The following AKAP6 variants were observed in gnomAD, a reference collection of about 807,000 sequenced individuals.
AKAP6 encodes A-kinase anchoring protein 6.
A neutral mutation model predicts 188.5 loss-of-function variants in AKAP6; 58 were observed. The observed-to-expected ratio is 0.31, with a 90% CI of 0.25 to 0.38. The LOEUF is 0.38. Ranked by LOEUF, AKAP6 falls within the 10% of genes least tolerant of loss-of-function variation. The pLI is 1.00. For synonymous variants in AKAP6, 989 were observed against 998.6 expected (o/e 0.99, Z 0.18); for missense variants, 2,710 against 2,740.0 (o/e 0.99, Z 0.24).
At chr14:32,699,063 A>C (rs1468504421) in intron 9 of AKAP6, among the ~76,000 whole-genome samples, 1 of 152,160 alleles carries the variant, frequency 6.6e-6, no homozygotes, top group Non-Finnish European at 1.5e-5. Flanking sequence ...GTTGATCCCC[A>C]AGGTATGTGT....
chr14:32,455,454 T>A (rs1375048565), intron 2 of AKAP6, among the ~76,000 whole-genome samples: 1 of 152,232 alleles, frequency 6.6e-6, no homozygotes, highest in Non-Finnish European at 1.5e-5. Context: ...AATTGTTTTC[T>A]TTCTTTTATT....
intron 1 of AKAP6, among the ~76,000 whole-genome samples, chr14:32,332,025 T>G (rs141475031): frequency 1.3e-3 from 204 of 152,282 alleles, no homozygotes; most frequent in African/African-American, 4.6e-3. Context: ...CAGTACTGAA[T>G]TAAGTTTTGT....
At chr14:32,540,564 C>T (rs974248674) in intron 3 of AKAP6, among the ~76,000 whole-genome samples, 1 of 152,026 alleles carries the variant, frequency 6.6e-6, no homozygotes, top group Non-Finnish European at 1.5e-5. Context: ...GCGGCTCTCA[C>T]CCAGCTACAA....
chr14:32,488,802 A>T (rs1666126396), intron 2 of AKAP6, among the ~76,000 whole-genome samples: 1 of 152,054 alleles, frequency 6.6e-6, no homozygotes, highest in Non-Finnish European at 1.5e-5. Flanking sequence ...AGGTGAGGCG[A>T]CACCCCACCC....
chr14:32,695,473 G>A (rs1338453822), intron 8 of AKAP6, among the ~76,000 whole-genome samples: 1 of 152,174 alleles, frequency 6.6e-6, no homozygotes, highest in African/African-American at 2.4e-5. Context: ...ATTTGGAGCT[G>A]ATAGTGATCC....
intron 7 of AKAP6, among the ~76,000 whole-genome samples, chr14:32,674,414 G>T (rs1293337188): frequency 6.6e-6 from 1 of 152,184 alleles, no homozygotes; most frequent in Non-Finnish European, 1.5e-5. Flanking sequence ...TGTACTGCAG[G>T]TGAAAGATTA....
chr14:32,620,870 A>G (rs1457143314), intron 7 of AKAP6, among the ~76,000 whole-genome samples: 1 of 150,672 alleles, frequency 6.6e-6, no homozygotes, highest in Non-Finnish European at 1.5e-5. Context: ...CAGGATTTCT[A>G]TTTATTCTTG....
chr14:32,610,004 C>CT (rs1312647152), intron 7 of AKAP6, among the ~76,000 whole-genome samples: 28 of 151,918 alleles, frequency 1.8e-4, no homozygotes, highest in African/African-American at 6.8e-4. Flanking sequence ...ATTGTGTAAC[C>CT]ATTGTGTGTG....
intron 2 of AKAP6, among the ~76,000 whole-genome samples, chr14:32,534,734 G>T (rs947419817): frequency 1.3e-5 from 2 of 152,136 alleles, no homozygotes; most frequent in African/African-American, 4.8e-5. Context: ...GGGAGGCTGA[G>T]GTGGGTGGAT....
At position 32,452,038 on chromosome 14, in the gene AKAP6, T is replaced by C. The variant is rs1211989121; in HGVS notation, c.324+18221T>C. 6.5e-5 allele frequency among the ~76,000 whole-genome samples: 7 copies of C among 107,866 alleles called. No homozygotes were observed. The East Asian group carries it at 1.5e-3, about 23-fold the overall frequency. 70.8% of individuals were successfully genotyped at this position (107,866 alleles called of 152,430 possible). ...TTTTTTTTTTTTTTTTTTTTTTTTT[T>C]TGAGACATGGTATTGCTCTGTTGCC... On this transcript the variant is annotated intron_variant, in intron 2 of 13. Transcript: ENST00000280979.
At chr14:32,545,137 T>C in intron 3 of AKAP6, 93 bp from the exon 4 acceptor site, 1 of 1,241,972 alleles carries the variant, frequency 8.1e-7, no homozygotes, top group Non-Finnish European at 1.1e-6. Context: ...CATTTGACCT[T>C]TATAGTGCCC....
chr14:32,803,764 C>T (rs1253958583), intron 12 of AKAP6, among the ~76,000 whole-genome samples: 2 of 152,234 alleles, frequency 1.3e-5, no homozygotes, highest in African/African-American at 2.4e-5. Flanking sequence ...TAAACACATA[C>T]ATACAGCTCC....
At chr14:32,400,573 A>AAAAAAAAAAAAAAAAAAAAAAAC (rs1889052776) in intron 1 of AKAP6, among the ~76,000 whole-genome samples, 2 of 149,230 alleles carry the variant, frequency 1.3e-5, no homozygotes, top group African/African-American at 2.4e-5. Flanking sequence ...CAAAAAAAAA[A>AAAAAAAAAAAAAAAAAAAAAAAC]AAAAAAGACA....
At chr14:32,466,173 C>A (rs1878416902) in intron 2 of AKAP6, among the ~76,000 whole-genome samples, 1 of 152,170 alleles carries the variant, frequency 6.6e-6, no homozygotes, top group Non-Finnish European at 1.5e-5. Context: ...TGTGGGGATT[C>A]CTCAAGGATC....
chr14:32,541,540 A>G (rs1181081626), intron 3 of AKAP6, among the ~76,000 whole-genome samples: 2 of 152,102 alleles, frequency 1.3e-5, no homozygotes, highest in Non-Finnish European at 2.9e-5. Flanking sequence ...TGGACTCTCA[A>G]ATTTCTTTTT....
In AKAP6 at chr14:32,822,570, G is replaced by T. The variant is rs749051317; in HGVS notation, c.4757G>T (p.Gly1586Val). ...DLFGLGIFKN[G>V]SDSLQRSTSL... ...TTTGGATTGGGCATCTTTAAAAATG[G>T]CAGTGACAGCCTCCAGCGAAGCACT... Residue 1586 changes from glycine to valine, a missense_variant, in exon 13 of 14, where the codon GGC (glycine) becomes GTC (valine). Gly to Val is a moderately radical substitution (Grantham distance 109). Coordinates refer to ENST00000280979, the MANE Select transcript of AKAP6 (RefSeq NM_004274.5). 5 of 1,613,884 alleles carry T rather than the reference G, an allele frequency of 3.1e-6. No homozygotes were observed. Among genetic ancestry groups the T allele is most frequent in the Non-Finnish European group, 4.2e-6 (5 of 1,179,920 alleles).
At chr14:32,414,119 C>A (rs1889579218) in intron 1 of AKAP6, among the ~76,000 whole-genome samples, 1 of 151,896 alleles carries the variant, frequency 6.6e-6, no homozygotes, top group African/African-American at 2.4e-5. Context: ...TCGAGTAAGC[C>A]TGGCCATGAA....
chr14:32,574,319 C>G (rs1254970483), intron 4 of AKAP6, among the ~76,000 whole-genome samples: 3 of 152,130 alleles, frequency 2.0e-5, no homozygotes, highest in Admixed American at 2.0e-4. Context: ...TCCTGTTTCC[C>G]CTATATCAGA....
At chr14:32,454,637 C>T (rs61981158) in intron 2 of AKAP6, among the ~76,000 whole-genome samples, 38,122 of 124,246 alleles carry the variant, frequency 0.31, 10,610 homozygotes, top group African/African-American at 0.73. Flanking sequence ...CCTTCCTTCC[C>T]TCCCTCCCTC....
Sources: allele counts gnomAD v4.1 joint callset (sites outside exome capture counted in the v4.1 genomes callset), GRCh38; gene constraint gnomAD v4.1.1; transcripts MANE v1.5; gene names NCBI Gene and HGNC (gene_info 2026-07-23, HGNC 2026-07-21).